PDZD2: variants seen among roughly 807,000 people sequenced by gnomAD.
The protein encoded by PDZD2 is PDZ domain containing 2, also known as PDZ domain-containing protein 2.
A neutral mutation model predicts 220.7 loss-of-function variants in PDZD2; 90 were observed. That is an observed-to-expected ratio of 0.41 (90% CI 0.34 to 0.49). PDZD2 has a LOEUF of 0.49. PDZD2 is among the 20% of genes least tolerant of loss of function. The pLI is 0.28. For synonymous variants in PDZD2, 1,375 were observed against 1,450.5 expected, an observed-to-expected ratio of 0.95 and a Z score of 1.18; for missense variants, 3,174 against 3,608.5, an observed-to-expected ratio of 0.88 and a Z score of 3.08.
intron 2 of PDZD2, among the ~76,000 whole-genome samples, chr5:31,878,846 C>T (rs138517866): frequency 1.4e-3 from 218 of 151,586 alleles, no homozygotes; most frequent in African/African-American, 5.0e-3. Flanking sequence ...CAGGCGTGAG[C>T]CACCGCGCCG....
chr5:31,761,662 A>T (rs1751662028), intron 1 of PDZD2, among the ~76,000 whole-genome samples: 1 of 152,076 alleles, frequency 6.6e-6, no homozygotes, highest in Non-Finnish European at 1.5e-5. Context: ...GGAGTTCAAG[A>T]CCAGCCTGGC....
At chr5:32,093,126 C>G (rs1743328142) in intron 21 of PDZD2, 102 bp downstream of exon 21, 1 of 681,070 alleles carries the variant, frequency 1.5e-6, no homozygotes, top group Non-Finnish European at 2.6e-6. Flanking sequence ...GCCCCGAGTC[C>G]TGGAGAGGGA....
At chr5:31,825,175 G>A (rs2150260668) in intron 2 of PDZD2, among the ~76,000 whole-genome samples, 1 of 152,310 alleles carries the variant, frequency 6.6e-6, no homozygotes, top group Admixed American at 6.5e-5. Context: ...AAGCCAGTGA[G>A]AGACCACGCT....
At chr5:31,936,728 A>G (rs1561129259) in intron 2 of PDZD2, among the ~76,000 whole-genome samples, 1 of 152,214 alleles carries the variant, frequency 6.6e-6, no homozygotes, top group Non-Finnish European at 1.5e-5. Flanking sequence ...CTGTGGCTCC[A>G]TTTTCATATT....
intron 1 of PDZD2, among the ~76,000 whole-genome samples, chr5:31,748,912 C>T (rs942722377): frequency 2.0e-5 from 3 of 152,118 alleles, no homozygotes; most frequent in African/African-American, 7.2e-5. Context: ...GGGTGGATTG[C>T]CCTGTTCTGT....
chr5:31,698,759 A>G (rs1447698345), intron 1 of PDZD2, among the ~76,000 whole-genome samples: 1 of 152,220 alleles, frequency 6.6e-6, no homozygotes, highest in African/African-American at 2.4e-5. Context: ...GCCAAGGCCC[A>G]GGAATTAAGT....
chr5:31,920,398 C>G (rs1400594162), intron 2 of PDZD2, among the ~76,000 whole-genome samples: 1 of 151,926 alleles, frequency 6.6e-6, no homozygotes, highest in Admixed American at 6.6e-5. Context: ...ACGCCCCCCC[C>G]CCCCACTGGG....
intron 2 of PDZD2, among the ~76,000 whole-genome samples, chr5:31,869,441 T>C (rs1390485192): frequency 6.6e-6 from 1 of 152,082 alleles, no homozygotes; most frequent in African/African-American, 2.4e-5. Flanking sequence ...CGGGCGCCTG[T>C]AGTCCCAGCT....
At chr5:32,048,865 G>T (rs967469678) in intron 8 of PDZD2, among the ~76,000 whole-genome samples, 181 bp downstream of exon 8, 4 of 152,092 alleles carry the variant, frequency 2.6e-5, no homozygotes, top group Non-Finnish European at 5.9e-5. Flanking sequence ...TGAAAATAGT[G>T]GGGGGAAAAT....
chr5:31,860,187 C>T (rs967542745), intron 2 of PDZD2, among the ~76,000 whole-genome samples: 58 of 152,278 alleles, frequency 3.8e-4, no homozygotes, highest in African/African-American at 1.3e-3. Flanking sequence ...CCTGCCTCAG[C>T]TATACCTGGT....
At chr5:31,834,735 G>C (rs1218343154) in intron 2 of PDZD2, among the ~76,000 whole-genome samples, 1 of 151,492 alleles carries the variant, frequency 6.6e-6, no homozygotes, top group Non-Finnish European at 1.5e-5. Context: ...GGCCTGTTGT[G>C]GGGTGGGGGG....
At chr5:32,015,443 G>T (rs1216795996) in intron 6 of PDZD2, among the ~76,000 whole-genome samples, 1 of 151,986 alleles carries the variant, frequency 6.6e-6, no homozygotes, top group Non-Finnish European at 1.5e-5. Flanking sequence ...GTAGGGATGG[G>T]GCGTCACTAT....
intron 2 of PDZD2, among the ~76,000 whole-genome samples, chr5:31,856,885 G>A (rs569950025): frequency 1.1e-4 from 17 of 148,080 alleles, no homozygotes; most frequent in South Asian, 1.1e-3. Context: ...GACTTATAGC[G>A]TGAGCTTCCC....
rs1294679892 is a variant in PDZD2, at chr5:32,108,231, AC to A, written c.*97del. ...GGTTGTTGAAATGGCCAACACTGGT[AC>A]AGACACGGACTATAAAAATCTCCAA... On this transcript the variant is annotated 3_prime_UTR_variant, in exon 25 of 25. Coordinates refer to ENST00000438447, the MANE Select transcript of PDZD2 (RefSeq NM_178140.4). 4.9e-5 allele frequency: 34 copies of A among 696,562 alleles called. No homozygotes were observed. In the East Asian group the frequency reaches 9.0e-4, roughly 18 times the overall value. The allele number at this position is 696,562 out of a possible 1,614,324, so 43.1% of individuals were successfully genotyped here.
At chr5:31,995,492 G>A (rs1009385863) in intron 3 of PDZD2, 84 bp from the exon 4 acceptor site, 99 of 1,403,098 alleles carry the variant, frequency 7.1e-5, no homozygotes, top group Non-Finnish European at 9.4e-5. Context: ...TGGATATTCG[G>A]CCAGACGTGA....
intron 21 of PDZD2, among the ~76,000 whole-genome samples, chr5:32,095,987 C>T (rs1743649636): frequency 6.6e-6 from 1 of 151,600 alleles, no homozygotes; most frequent in Non-Finnish European, 1.5e-5. Context: ...ATGTGAACCA[C>T]CTGCCTCCGC....
Position 32,108,790 on chromosome 5 carries a change from C to CA in PDZD2, c.*658dup, listed in dbSNP as rs1335091987. On this transcript the variant is annotated 3_prime_UTR_variant, in exon 25 of 25. Transcript: ENST00000438447. ...GAGTGTAATGTATAATGTACGTATG[C>CA]AAAGTTCAACTCAATAGGTTATTGA... 6.6e-6 allele frequency: 1 copy of CA among 152,604 alleles called. No homozygotes were observed. The highest frequency in any genetic ancestry group is 2.1e-4 in the South Asian group (1 of 4,830). The allele number at this position is 152,604 out of a possible 1,614,324, so 9.5% of individuals were successfully genotyped here.
chr5:31,899,297 GT>G (rs1425915827), intron 2 of PDZD2, among the ~76,000 whole-genome samples: 2 of 151,898 alleles, frequency 1.3e-5, no homozygotes, highest in Non-Finnish European at 2.9e-5. Context: ...TGCCCAGCTA[GT>G]TTTTTTGTAT....
intron 2 of PDZD2, among the ~76,000 whole-genome samples, chr5:31,957,334 A>G (rs1277554006): frequency 6.6e-6 from 1 of 152,246 alleles, no homozygotes; most frequent in Admixed American, 6.5e-5. Flanking sequence ...TTCAAGCTCT[A>G]GGAATTTAAT....
Sources: gnomAD v4.1 joint callset for allele counts (sites outside exome capture counted in the v4.1 genomes callset) on GRCh38, gnomAD v4.1.1 for gene constraint, MANE v1.5 for transcripts, NCBI Gene and HGNC (gene_info 2026-07-23, HGNC 2026-07-21) for gene names.